ESR2: variants seen among roughly 807,000 people sequenced by gnomAD.
The protein encoded by ESR2 is estrogen receptor 2, also known as estrogen receptor beta.
ESR2 carries 36 observed loss-of-function variants against 49.6 expected under a neutral mutation model. That is an observed-to-expected ratio of 0.73 (90% CI 0.56 to 0.96). The LOEUF (loss-of-function observed/expected upper bound fraction) is 0.96, where lower values mean the gene tolerates loss of function less well. Among genes scored for constraint, ESR2 ranks in the 40% least tolerant of loss-of-function variants. The pLI, the probability that ESR2 is intolerant of heterozygous loss-of-function variation, is 0.00. For synonymous variants in ESR2, 320 were observed against 266.1 expected (o/e 1.20, Z -1.97); for missense variants, 714 against 693.0 (o/e 1.03, Z -0.34).
chr14:64,228,908 C>T lies in ESR2; in HGVS notation c.*4229G>A, dbSNP rs1211062821. Among the ~76,000 whole-genome samples the T allele has an allele frequency of 1.3e-5, 2 of 152,212 alleles. No individual in the cohort carries two copies. Among genetic ancestry groups the T allele is most frequent in the Non-Finnish European group, 1.5e-5 (1 of 68,028 alleles). On this transcript the variant is annotated 3_prime_UTR_variant, in exon 9 of 9. Coordinates refer to ENST00000341099, the MANE Select transcript of ESR2 (RefSeq NM_001437.3). Reference sequence around the variant, plus strand: ...AAGAGCTGCCACTGGAGCCAAAATTCCAGCAAGTTTGAGAGCTATAAAGAA... The same window carrying T: ...AAGAGCTGCCACTGGAGCCAAAATTTCAGCAAGTTTGAGAGCTATAAAGAA...
At chr14:64,263,482 C>A (rs2076261021) in intron 4 of ESR2, among the ~76,000 whole-genome samples, 1 of 151,960 alleles carries the variant, frequency 6.6e-6, no homozygotes, top group African/African-American at 2.4e-5. Context: ...AATGGAAAAA[C>A]CCCATCTCTA....
intron 5 of ESR2, chr14:64,260,074 G>T: frequency 2.1e-6 from 1 of 469,270 alleles, no homozygotes; most frequent in Non-Finnish European, 4.2e-6. Flanking sequence ...TGGCCAACAG[G>T]TGAGTGTCTG....
chr14:64,257,203 A>G (rs750511470), intron 6 of ESR2, 23 bp downstream of exon 6: 1 of 1,612,784 alleles, frequency 6.2e-7, no homozygotes, highest in Admixed American at 1.7e-5. Flanking sequence ...GTCAGAGAAG[A>G]AACACAATGT....
At chr14:64,277,265 T>C (rs1035833371) in intron 3 of ESR2, among the ~76,000 whole-genome samples, 1 of 152,094 alleles carries the variant, frequency 6.6e-6, no homozygotes, top group Non-Finnish European at 1.5e-5. Flanking sequence ...AGGGGACAGG[T>C]ACATGACTAA....
chr14:64,227,529 AG>A, downstream of ESR2: 1 of 1,614,152 alleles, frequency 6.2e-7, no homozygotes, highest in Non-Finnish European at 8.5e-7. Flanking sequence ...AGTTGATTAG[AG>A]GGTCACTGCT....
chr14:64,329,272 A>G (rs1191770920), intron 1 of ESR2, among the ~76,000 whole-genome samples: 2 of 152,160 alleles, frequency 1.3e-5, no homozygotes, highest in South Asian at 2.1e-4. Context: ...CTCCCTCTAG[A>G]AGGGCACCAC....
intron 1 of ESR2, among the ~76,000 whole-genome samples, chr14:64,306,788 C>G (rs2077105615): frequency 6.6e-6 from 1 of 152,028 alleles, no homozygotes; most frequent in South Asian, 2.1e-4. Flanking sequence ...TGCTGTTATC[C>G]TAGGATGAAT....
intron 1 of ESR2, among the ~76,000 whole-genome samples, chr14:64,309,624 A>C (rs1475190322): frequency 6.6e-6 from 1 of 151,562 alleles, no homozygotes; most frequent in Non-Finnish European, 1.5e-5. Context: ...AAAAATAGAG[A>C]ATCTTGCGTC....
At chr14:64,319,624 C>G (rs574687615) in intron 1 of ESR2, among the ~76,000 whole-genome samples, 8 of 152,054 alleles carry the variant, frequency 5.3e-5, no homozygotes, top group Non-Finnish European at 1.2e-4. Flanking sequence ...AAGTTCTGAA[C>G]AAAAGTTCTC....
chr14:64,293,942 T>G (rs1178767762), intron 1 of ESR2, 91 bp downstream of exon 1: 1 of 152,256 alleles, frequency 6.6e-6, no homozygotes, highest in Non-Finnish European at 1.5e-5. Flanking sequence ...TTTTTTGGTC[T>G]TTTATTGTTC....
chr14:64,281,821 T>C (rs927449624), intron 2 of ESR2, among the ~76,000 whole-genome samples: 1 of 152,252 alleles, frequency 6.6e-6, no homozygotes, highest in Non-Finnish European at 1.5e-5. Context: ...CCAATCTTTA[T>C]ATAATGTTAT....
chr14:64,284,428 G>A (rs1262342730), intron 1 of ESR2, among the ~76,000 whole-genome samples: 1 of 151,970 alleles, frequency 6.6e-6, no homozygotes. Flanking sequence ...CCAGGTTCAA[G>A]CAATTATCAT....
upstream of ESR2, among the ~76,000 whole-genome samples, chr14:64,294,959 T>C (rs947822074): frequency 3.3e-5 from 5 of 152,174 alleles, no homozygotes; most frequent in African/African-American, 9.6e-5. Context: ...GACCTGTGCC[T>C]CCGGCCACGG....
rs1304345160 is a variant in ESR2, at chr14:64,235,151, C to T, written c.1226-1G>A. 1 of 1,610,486 alleles carries T rather than the reference C, an allele frequency of 6.2e-7. No individual in the cohort carries two copies. The highest frequency in any genetic ancestry group is 1.7e-5 in the Admixed American group (1 of 59,990). On this transcript the variant is annotated splice_acceptor_variant, in intron 7 of 8. Transcript: ENST00000341099. LOFTEE classifies it high-confidence loss of function. ...GTCGCTGTGACCAGAGGGTACATACCTGGACAAAGAATAAAAGCCAGAAGT... is the reference window on the plus strand; with the variant it reads ...GTCGCTGTGACCAGAGGGTACATACTTGGACAAAGAATAAAAGCCAGAAGT...
chr14:64,227,535 A>T, downstream of ESR2: 1 of 1,614,196 alleles, frequency 6.2e-7, no homozygotes, highest in South Asian at 1.1e-5. Context: ...TTAGAGGGTC[A>T]CTGCTCCATC....
At chr14:64,234,114 G>A (rs2098730008) in intron 8 of ESR2, 2 of 152,164 alleles carry the variant, frequency 1.3e-5, no homozygotes, top group Admixed American at 6.5e-5. Flanking sequence ...ATTTTAGCAA[G>A]CAGATAAATT....
intron 4 of ESR2, among the ~76,000 whole-genome samples, chr14:64,263,772 ATCTC>A (rs1269818737): frequency 5.9e-5 from 9 of 152,220 alleles, no homozygotes; most frequent in Admixed American, 2.6e-4. Flanking sequence ...GGCTATTTAA[ATCTC>A]TCTCTCAACA....
rs941115238 is a variant in ESR2 at position 64,269,499 on chromosome 14, A to G, written c.536-588T>C. Among the ~76,000 whole-genome samples the G allele has an allele frequency of 2.0e-5, 3 of 152,298 alleles. No homozygotes were observed. The East Asian group carries it at 5.8e-4, about 29-fold the overall frequency. The stretch of plus-strand genomic sequence containing the variant: ...GTGTACTAGAGTGCGCAGAGAGCAA[A>G]CACTTCCCTACCAGTTGATGTTGGG... On this transcript the variant is annotated intron_variant, in intron 3 of 8. Coordinates refer to ENST00000341099, the MANE Select transcript of ESR2 (RefSeq NM_001437.3).
At chr14:64,283,920 T>A (rs529067486) in intron 1 of ESR2, among the ~76,000 whole-genome samples, 2 of 152,098 alleles carry the variant, frequency 1.3e-5, no homozygotes, top group South Asian at 4.2e-4. Flanking sequence ...AGTTTTGTTT[T>A]GTTTTGGTTT....
Sources: gnomAD v4.1 joint callset for allele counts (sites outside exome capture counted in the v4.1 genomes callset) on GRCh38, gnomAD v4.1.1 for gene constraint, MANE v1.5 for transcripts, NCBI Gene and HGNC (gene_info 2026-07-23, HGNC 2026-07-21) for gene names.